UNC5D: variants seen among roughly 807,000 people sequenced by gnomAD.
UNC5D encodes the protein unc-5 netrin receptor D, also known as netrin receptor UNC5D.
Under a neutral mutation model 105.4 loss-of-function variants are expected in UNC5D, and 39 were observed. The ratio of observed to expected loss-of-function variants is 0.37; its 90% CI spans 0.29 to 0.48. The LOEUF is 0.48. Ranked by LOEUF, UNC5D falls within the 20% of genes least tolerant of loss-of-function variation. The pLI is 0.98. For synonymous variants in UNC5D, 452 were observed against 450.4 expected (o/e 1.00, Z -0.04); for missense variants, 991 against 1,202.4 (o/e 0.82, Z 2.60).
intron 4 of UNC5D, among the ~76,000 whole-genome samples, chr8:35,631,845 C>T (rs1436945676): frequency 3.9e-5 from 6 of 152,146 alleles, no homozygotes; most frequent in African/African-American, 1.4e-4. Flanking sequence ...TTTGTTCTTG[C>T]CCTTTCTTCA....
At chr8:35,237,021 C>G (rs1802515027) in intron 1 of UNC5D, among the ~76,000 whole-genome samples, 1 of 151,996 alleles carries the variant, frequency 6.6e-6, no homozygotes, top group Admixed American at 6.6e-5. Flanking sequence ...GGGTTGAGGA[C>G]GATCACAAAA....
chr8:35,651,589 C>T (rs1823405441), intron 4 of UNC5D, among the ~76,000 whole-genome samples: 1 of 152,160 alleles, frequency 6.6e-6, no homozygotes, highest in Non-Finnish European at 1.5e-5. Context: ...AGAAATAAAA[C>T]CCTGCTGGGT....
intron 11 of UNC5D, among the ~76,000 whole-genome samples, chr8:35,732,594 T>C (rs544258410): frequency 6.7e-4 from 102 of 152,274 alleles, no homozygotes; most frequent in African/African-American, 2.4e-3. Flanking sequence ...AAACCATACC[T>C]ATCTGAATTT....
intron 16 of UNC5D, 98 bp downstream of exon 16, chr8:35,774,575 T>G (rs1160582420): frequency 6.3e-6 from 9 of 1,430,334 alleles, no homozygotes; most frequent in Non-Finnish European, 8.5e-6. Context: ...CCCTAATATT[T>G]TTATGAGTTC....
intron 1 of UNC5D, among the ~76,000 whole-genome samples, chr8:35,384,168 G>A (rs996638426): frequency 2.7e-5 from 4 of 149,608 alleles, no homozygotes; most frequent in Admixed American, 1.3e-4. Flanking sequence ...GCAGTAAGCC[G>A]AGATCGTGCC....
At chr8:35,506,888 G>T (rs1179172902) in intron 1 of UNC5D, among the ~76,000 whole-genome samples, 1 of 152,068 alleles carries the variant, frequency 6.6e-6, no homozygotes, top group Non-Finnish European at 1.5e-5. Context: ...GGGCAAGAGG[G>T]CTGTCAAACT....
rs149824538 is a variant in UNC5D at position 35,269,965 on chromosome 8, A to T, written c.103+34078A>T. Reference sequence around the variant, plus strand: ...TCCCCCAGCCACTAAAGTATGAGAGATCTTTAGTGGCACAGAGTAGGGTTT... The same window carrying T: ...TCCCCCAGCCACTAAAGTATGAGAGTTCTTTAGTGGCACAGAGTAGGGTTT... On this transcript the variant is annotated intron_variant, in intron 1 of 16. Transcript: ENST00000404895. 1.7e-4 allele frequency among the ~76,000 whole-genome samples: 26 copies of T among 152,268 alleles called. No homozygotes were observed. In the East Asian group the frequency reaches 4.4e-3, roughly 26 times the overall value.
At chr8:35,475,853 G>A (rs893961626) in intron 1 of UNC5D, among the ~76,000 whole-genome samples, 5 of 152,154 alleles carry the variant, frequency 3.3e-5, no homozygotes, top group Admixed American at 6.5e-5. Flanking sequence ...GTTAAACTCA[G>A]AGTAGAATCA....
intron 1 of UNC5D, among the ~76,000 whole-genome samples, chr8:35,276,976 G>T (rs565813684): frequency 6.6e-6 from 1 of 152,260 alleles, no homozygotes; most frequent in African/African-American, 2.4e-5. Context: ...CCAGAAGAAG[G>T]TCTTCAGGAC....
chr8:35,560,199 C>T (rs775523485), intron 2 of UNC5D, among the ~76,000 whole-genome samples: 2 of 152,202 alleles, frequency 1.3e-5, no homozygotes, highest in Non-Finnish European at 2.9e-5. Flanking sequence ...CAATTCTACT[C>T]TTATTTATGA....
chr8:35,616,976 C>CTGCA (rs777247995), intron 4 of UNC5D, among the ~76,000 whole-genome samples: 6 of 152,300 alleles, frequency 3.9e-5, no homozygotes, highest in Non-Finnish European at 8.8e-5. Flanking sequence ...ACATAAGGAG[C>CTGCA]TGCAGATCTG....
chr8:35,662,539 C>T (rs1349972584), intron 4 of UNC5D, among the ~76,000 whole-genome samples: 3 of 152,118 alleles, frequency 2.0e-5, no homozygotes, highest in Non-Finnish European at 2.9e-5. Context: ...GGGAAAGGGT[C>T]GTACAGTTCC....
At chr8:35,341,579 GT>G (rs1223194237) in intron 1 of UNC5D, among the ~76,000 whole-genome samples, 9 of 151,716 alleles carry the variant, frequency 5.9e-5, no homozygotes, top group African/African-American at 2.2e-4. Flanking sequence ...ATACTTTTTA[GT>G]CTGTCGTCTT....
Position 35,541,963 on chromosome 8 carries a change from T to G in UNC5D, c.104-7329T>G, listed in dbSNP as rs1279764465. 3.3e-5 allele frequency among the ~76,000 whole-genome samples: 5 copies of G among 152,084 alleles called. No homozygotes were observed. In the East Asian group the frequency reaches 9.7e-4, roughly 30 times the overall value. On this transcript the variant is annotated intron_variant, in intron 1 of 16. Transcript: ENST00000404895. ...TAAGGAACTAAGAATGGCTCTTTGA[T>G]TTCTTTGAATGTGTCTTAAGCACTC...
intron 7 of UNC5D, among the ~76,000 whole-genome samples, chr8:35,699,427 G>A (rs1417238569): frequency 6.6e-6 from 1 of 152,102 alleles, no homozygotes; most frequent in Non-Finnish European, 1.5e-5. Flanking sequence ...ATGGGATCTT[G>A]AACAATGCAT....
chr8:35,470,042 C>G (rs1809590900), intron 1 of UNC5D, among the ~76,000 whole-genome samples: 1 of 152,134 alleles, frequency 6.6e-6, no homozygotes, highest in African/African-American at 2.4e-5. Flanking sequence ...TCAATACATA[C>G]TTTTTAATTT....
At chr8:35,241,285 C>T (rs1025245598) in intron 1 of UNC5D, among the ~76,000 whole-genome samples, 2 of 152,160 alleles carry the variant, frequency 1.3e-5, no homozygotes, top group African/African-American at 2.4e-5. Context: ...ACACGCTGTG[C>T]GTAGATAATT....
chr8:35,469,146 G>T lies in UNC5D; in HGVS notation c.104-80146G>T, dbSNP rs1025418339. On this transcript the variant is annotated intron_variant, in intron 1 of 16. Transcript: ENST00000404895. ...AAAGAGAATGCAAGTTTTATGAACG[G>T]CATTCATTTATCAGACCTGTGTAGG... Among the ~76,000 whole-genome samples the T allele has an allele frequency of 2.6e-5, 4 of 152,300 alleles. No individual in the cohort carries two copies. In the South Asian group the frequency reaches 8.3e-4, roughly 32 times the overall value.
intron 4 of UNC5D, among the ~76,000 whole-genome samples, chr8:35,607,366 A>G (rs918067927): frequency 2.1e-4 from 32 of 152,264 alleles, no homozygotes; most frequent in African/African-American, 7.5e-4. Context: ...TTATTTTCCA[A>G]CAGTTCTGGG....
Sources: gnomAD v4.1 joint callset for allele counts (sites outside exome capture counted in the v4.1 genomes callset) on GRCh38, gnomAD v4.1.1 for gene constraint, MANE v1.5 for transcripts, NCBI Gene and HGNC (gene_info 2026-07-23, HGNC 2026-07-21) for gene names.